Variants in ICAM2 observed in about 807,000 individuals in gnomAD.
ICAM2 encodes the protein intercellular adhesion molecule 2, also known as ICAM-2.
A neutral mutation model predicts 19.1 loss-of-function variants in ICAM2; 14 were observed. The observed-to-expected ratio is 0.73, with a 90% CI of 0.48 to 1.15. ICAM2 has a LOEUF of 1.15. Among genes scored for constraint, ICAM2 ranks in the 50% most tolerant of loss-of-function variants. The probability of loss-of-function intolerance (pLI) is 0.00; values close to 1 mark genes in which losing one functional copy is unlikely to be tolerated. For synonymous variants in ICAM2, 153 were observed against 152.7 expected, an observed-to-expected ratio of 1.00 and a Z score of -0.01; for missense variants, 311 against 355.4, an observed-to-expected ratio of 0.88 and a Z score of 1.00.
chr17:64,006,538 G>T, intron 2 of ICAM2, 93 bp downstream of exon 2: 5 of 1,078,494 alleles, frequency 4.6e-6, no homozygotes, highest in Non-Finnish European at 6.9e-6. Flanking sequence ...CAACTTTTGG[G>T]ACTTCTCTTC....
In ICAM2 at chr17:64,005,183, G is replaced by T; in HGVS notation, c.252C>A (p.Ser84=). 1 of 1,614,130 alleles carries T rather than the reference G, an allele frequency of 6.2e-7. No individual in the cohort carries two copies. Among genetic ancestry groups the T allele is most frequent in the Non-Finnish European group, 8.5e-7 (1 of 1,179,998 alleles). Reference sequence around the variant, plus strand: ...AGTGGCATTGGAGGACCGTGTCATGGGAGATGTTTGAGACCAAGTAATGTT... The same window carrying T: ...AGTGGCATTGGAGGACCGTGTCATGTGAGATGTTTGAGACCAAGTAATGTT... ...QWKHYLVSNI[S]HDTVLQCHFT... The change falls in exon 3 of 5, where the codon TCC becomes TCA. Residue 84 remains serine, a synonymous_variant. Transcript: ENST00000579788.
chr17:64,018,880 C>A (rs928200015), intron 1 of ICAM2, among the ~76,000 whole-genome samples: 1 of 151,926 alleles, frequency 6.6e-6, no homozygotes, highest in Non-Finnish European at 1.5e-5. Flanking sequence ...CGCCACCACA[C>A]CCAGCTAATT....
chr17:64,015,812 G>C (rs1385661879), intron 1 of ICAM2, among the ~76,000 whole-genome samples: 2 of 151,990 alleles, frequency 1.3e-5, no homozygotes, highest in Non-Finnish European at 2.9e-5. Flanking sequence ...GAAAATACCA[G>C]GTCTAGATGG....
intron 1 of ICAM2, among the ~76,000 whole-genome samples, chr17:64,008,086 C>T (rs900128036): frequency 2.0e-5 from 3 of 152,184 alleles, no homozygotes; most frequent in Non-Finnish European, 4.4e-5. Flanking sequence ...CTGCCCTTCC[C>T]TCACTGCTGA....
At chr17:64,011,354 C>T (rs566889506) in intron 1 of ICAM2, among the ~76,000 whole-genome samples, 3 of 152,200 alleles carry the variant, frequency 2.0e-5, no homozygotes, top group South Asian at 4.2e-4. Flanking sequence ...CTCAGCTCCT[C>T]GGGAGGCTGA....
intron 1 of ICAM2, among the ~76,000 whole-genome samples, chr17:64,018,191 A>G (rs1911790222): frequency 6.6e-6 from 1 of 151,940 alleles, no homozygotes; most frequent in Non-Finnish European, 1.5e-5. Context: ...AAAATTAGCC[A>G]GGCATGGTGG....
intron 4 of ICAM2, 71 bp downstream of exon 4, chr17:64,003,573 A>T: frequency 7.0e-7 from 1 of 1,434,326 alleles, no homozygotes; most frequent in Non-Finnish European, 9.6e-7. Context: ...AGTGGGACTC[A>T]AGATTTTTCT....
chr17:64,014,899 G>A (rs1040091559), intron 1 of ICAM2, among the ~76,000 whole-genome samples: 9 of 151,956 alleles, frequency 5.9e-5, no homozygotes, highest in East Asian at 1.9e-4. Flanking sequence ...AACATAGTGC[G>A]ATATTATCTC....
Position 64,014,042 on chromosome 17 carries a change from T to C in ICAM2, c.-45+6481A>G, listed in dbSNP as rs545123180. On this transcript the variant is annotated intron_variant, in intron 1 of 4. Transcript: ENST00000579788. ...CAGTTTAAAAACATAATCTAATGCATTGGTCAAAGAAGAAATCATAATGAC... is the reference window on the plus strand; with the variant it reads ...CAGTTTAAAAACATAATCTAATGCACTGGTCAAAGAAGAAATCATAATGAC... 3.3e-5 allele frequency among the ~76,000 whole-genome samples: 5 copies of C among 152,206 alleles called. No homozygotes were observed. The Middle Eastern group carries it at 0.01, about 311-fold the overall frequency.
intron 1 of ICAM2, among the ~76,000 whole-genome samples, chr17:64,019,594 T>C (rs1368467171): frequency 6.6e-6 from 1 of 152,006 alleles, no homozygotes; most frequent in Non-Finnish European, 1.5e-5. Flanking sequence ...GGTGGGCGGA[T>C]CATGAGGTCA....
At chr17:64,020,159 CT>C (rs1049697592) in intron 1 of ICAM2, among the ~76,000 whole-genome samples, 2 of 151,950 alleles carry the variant, frequency 1.3e-5, no homozygotes, top group Admixed American at 1.3e-4. Flanking sequence ...GTCCCTTCCC[CT>C]CTGCATCAGC....
At chr17:64,012,660 G>T (rs1243998684) in intron 1 of ICAM2, among the ~76,000 whole-genome samples, 1 of 152,214 alleles carries the variant, frequency 6.6e-6, no homozygotes, top group East Asian at 1.9e-4. Flanking sequence ...ACTTGGGTTT[G>T]CTGCACACCA....
At chr17:64,016,278 A>G (rs1911713604) in intron 1 of ICAM2, among the ~76,000 whole-genome samples, 1 of 152,148 alleles carries the variant, frequency 6.6e-6, no homozygotes, top group African/African-American at 2.4e-5. Flanking sequence ...ATGTCTATAA[A>G]CATTATTTAT....
intron 1 of ICAM2, among the ~76,000 whole-genome samples, chr17:64,014,381 AAGG>A (rs1567849333): frequency 1.1e-3 from 55 of 48,598 alleles, no homozygotes; most frequent in African/African-American, 3.2e-3. Context: ...GAAAGAAAGG[AAGG>A]AAGGAAGGAA....
chr17:64,003,888 C>A lies in ICAM2; in HGVS notation c.405G>T (p.Arg135Ser), dbSNP rs759238288. ...TGTCCAGGGGCTCCACGGTGGGCAC[C>A]CTGCACTCAATGGTGAAGGACTTGC... ...AVGKSFTIEC[R>S]VPTVEPLDSL... is the part of the protein sequence containing the mutation. The change falls in exon 4 of 5, where the codon AGG becomes AGT. Residue 135 changes from arginine to serine, a missense_variant. Coordinates refer to ENST00000579788, the MANE Select transcript of ICAM2 (RefSeq NM_001099789.2). 5.0e-6 allele frequency: 8 copies of A among 1,614,170 alleles called. No homozygotes were observed. Among genetic ancestry groups the A allele is most frequent in the Non-Finnish European group, 6.8e-6 (8 of 1,180,024 alleles).
chr17:64,009,857 A>G (rs1295363922), intron 1 of ICAM2, among the ~76,000 whole-genome samples: 1 of 152,218 alleles, frequency 6.6e-6, no homozygotes, highest in Non-Finnish European at 1.5e-5. Flanking sequence ...CAGGTCCTGC[A>G]TACCAGTGAA....
chr17:64,003,894 C>T lies in ICAM2; in HGVS notation c.399G>A (p.Glu133=). 1 of 1,614,194 alleles carries T rather than the reference C, an allele frequency of 6.2e-7. No homozygotes were observed. Among genetic ancestry groups the T allele is most frequent in the Non-Finnish European group, 8.5e-7 (1 of 1,180,038 alleles). Residue 133 remains glutamate, a synonymous_variant, in exon 4 of 5, where the codon GAG becomes GAA. Transcript: ENST00000579788. The part of the protein sequence containing the change: ...LVAVGKSFTI[E]CRVPTVEPLD... Reference sequence around the variant, plus strand: ...GGGGCTCCACGGTGGGCACCCTGCACTCAATGGTGAAGGACTTGCCCACAG... The same window carrying T: ...GGGGCTCCACGGTGGGCACCCTGCATTCAATGGTGAAGGACTTGCCCACAG...
chr17:64,005,511 C>G (rs138616774), intron 2 of ICAM2, 138 bp from the exon 3 acceptor site: 1 of 969,866 alleles, frequency 1.0e-6, no homozygotes, highest in Admixed American at 2.7e-5. Context: ...TGCTACTTTC[C>G]CCTTGTCAGG....
Position 64,003,723 on chromosome 17 carries a change from G to A in ICAM2, c.570C>T (p.Cys190=). ...GAGACATCAAGTCCAGCACAGCCAG[G>A]CAGGAGAAGTTGCGGTGGCCATCCT... ...DREDGHRNFS[C]LAVLDLMSRG... is the part of the protein sequence containing the mutation. Residue 190 remains cysteine, a synonymous_variant, in exon 4 of 5, where the codon TGC becomes TGT. Transcript: ENST00000579788. 1 of 1,614,192 alleles carries A rather than the reference G, an allele frequency of 6.2e-7. No individual in the cohort carries two copies. The highest frequency in any genetic ancestry group is 1.1e-5 in the South Asian group (1 of 91,092).
Sources: gnomAD v4.1 joint callset for allele counts (sites outside exome capture counted in the v4.1 genomes callset) on GRCh38, gnomAD v4.1.1 for gene constraint, MANE v1.5 for transcripts, NCBI Gene and HGNC (gene_info 2026-07-23, HGNC 2026-07-21) for gene names.